PCDHGA12: variants seen among roughly 807,000 people sequenced by gnomAD.
PCDHGA12 encodes the protein protocadherin gamma subfamily A, 12.
A neutral mutation model predicts 61.1 loss-of-function variants in PCDHGA12; 43 were observed. The observed-to-expected ratio is 0.70, with a 90% CI of 0.55 to 0.91. The LOEUF (loss-of-function observed/expected upper bound fraction) is 0.91. Among genes scored for constraint, PCDHGA12 ranks in the 40% least tolerant of loss-of-function variants. PCDHGA12 has a pLI of 0.00. For synonymous variants in PCDHGA12, 520 were observed against 542.9 expected (o/e 0.96, Z 0.59); for missense variants, 1,236 against 1,227.7 (o/e 1.01, Z -0.10).
Position 141,509,375 on chromosome 5 carries a change from T to C in PCDHGA12, c.2573-1572T>C, listed in dbSNP as rs1450730489. Among the ~76,000 whole-genome samples, 6 of 152,168 alleles carry C rather than the reference T, an allele frequency of 3.9e-5. No homozygotes were observed. In the East Asian group the frequency reaches 1.2e-3, roughly 29 times the overall value. On this transcript the variant is annotated intron_variant, in intron 3 of 3. Coordinates refer to ENST00000252085, the MANE Select transcript of PCDHGA12 (RefSeq NM_003735.3). ...GGGCATCCCTGAGGTTTTAACTGTC[T>C]CCTAACCACAGAGGATCTCAGGGCC...
chr5:141,477,184 C>T lies in PCDHGA12; in HGVS notation c.2425-17623C>T. On this transcript the variant is annotated intron_variant, in intron 1 of 3. Coordinates refer to ENST00000252085, the MANE Select transcript of PCDHGA12 (RefSeq NM_003735.3). The surrounding 1 kb of genome is among the most constrained non-coding windows in gnomAD (Gnocchi z 4.9). ...ACGCCCCGGAGATCACAGTCACCTC[C>T]GTGTACAGCCCAGTACCCGAGGATG... The T allele has an allele frequency of 3.7e-6, 6 of 1,614,178 alleles. No individual in the cohort carries two copies. Among genetic ancestry groups the T allele is most frequent in the Non-Finnish European group, 5.1e-6 (6 of 1,180,032 alleles).
intron 1 of PCDHGA12, among the ~76,000 whole-genome samples, chr5:141,447,063 G>C (rs762309557): frequency 6.6e-6 from 1 of 152,028 alleles, no homozygotes; most frequent in South Asian, 2.1e-4. Context: ...AATGTGTCAG[G>C]CTGTTTTAAT....
In PCDHGA12 at chr5:141,487,472, G is replaced by A. The variant is rs2099645737; in HGVS notation, c.2425-7335G>A. The A allele has an allele frequency of 2.5e-6, 4 of 1,614,178 alleles. No individual in the cohort carries two copies. Among genetic ancestry groups the A allele is most frequent in the Non-Finnish European group, 3.4e-6 (4 of 1,180,036 alleles). Reference sequence around the variant, plus strand: ...CCCTATCAAGTTTGTTGATGTGGGAGGCCACTCTCATGGCTGTACACCCTT... The same window carrying A: ...CCCTATCAAGTTTGTTGATGTGGGAAGCCACTCTCATGGCTGTACACCCTT... On this transcript the variant is annotated intron_variant, in intron 1 of 3. Coordinates refer to ENST00000252085, the MANE Select transcript of PCDHGA12 (RefSeq NM_003735.3). This position sits in a 1 kb window ranked among gnomAD's most constrained non-coding sequence, Gnocchi z 5.0.
chr5:141,439,588 T>C (rs2098121813), intron 1 of PCDHGA12, among the ~76,000 whole-genome samples: 2 of 152,200 alleles, frequency 1.3e-5, no homozygotes, highest in South Asian at 4.1e-4. Flanking sequence ...AGTGCCACTG[T>C]TGGCCAGTCT....
rs561329093 is a variant in PCDHGA12 at position 141,509,163 on chromosome 5, C to A, written c.2573-1784C>A. Among the ~76,000 whole-genome samples the A allele has an allele frequency of 1.4e-4, 21 of 152,322 alleles. No individual in the cohort carries two copies. In the South Asian group the frequency reaches 4.1e-3, roughly 30 times the overall value. On this transcript the variant is annotated intron_variant, in intron 3 of 3. Coordinates refer to ENST00000252085, the MANE Select transcript of PCDHGA12 (RefSeq NM_003735.3). ...CATCCCGGCTCTCCCCTCCCGTGTG[C>A]CCTCCTCCTCTTATGCCGGCTTGAA...
chr5:141,434,132 G>A (rs2097674012), intron 1 of PCDHGA12, among the ~76,000 whole-genome samples: 1 of 152,194 alleles, frequency 6.6e-6, no homozygotes, highest in South Asian at 2.1e-4. Context: ...CCTTTAGGCT[G>A]ATTTCTATGT....
intron 1 of PCDHGA12, among the ~76,000 whole-genome samples, chr5:141,469,684 T>C (rs1471928749): frequency 6.6e-6 from 1 of 152,256 alleles, no homozygotes; most frequent in Non-Finnish European, 1.5e-5. Flanking sequence ...ACATATGCAT[T>C]GGTCCTATGA....
chr5:141,463,572 C>A (rs1462125489), intron 1 of PCDHGA12, among the ~76,000 whole-genome samples: 2 of 151,572 alleles, frequency 1.3e-5, no homozygotes, highest in African/African-American at 4.9e-5. Context: ...CCTCAGCCTC[C>A]CGAGTAGCTG....
intron 1 of PCDHGA12, among the ~76,000 whole-genome samples, chr5:141,462,839 T>C (rs1020663897): frequency 8.5e-5 from 13 of 152,228 alleles, no homozygotes; most frequent in Non-Finnish European, 1.5e-4. Context: ...GTAAATGTTA[T>C]ATTTTTGAGT....
At chr5:141,508,835 C>T (rs1190105775) in intron 3 of PCDHGA12, among the ~76,000 whole-genome samples, 12 of 152,158 alleles carry the variant, frequency 7.9e-5, no homozygotes, top group African/African-American at 2.9e-4. Flanking sequence ...CCCCCCTCCC[C>T]TACCCCTTCC....
At chr5:141,468,403 A>C (rs2099166784) in intron 1 of PCDHGA12, 1 of 152,088 alleles carries the variant, frequency 6.6e-6, no homozygotes, top group African/African-American at 2.4e-5. Flanking sequence ...GGTGAGAACT[A>C]ATAATAAGTT....
rs142590218 is a variant in PCDHGA12, at chr5:141,489,982, C to T, written c.2425-4825C>T. On this transcript the variant is annotated intron_variant, in intron 1 of 3. Coordinates refer to ENST00000252085, the MANE Select transcript of PCDHGA12 (RefSeq NM_003735.3). This position sits in a 1 kb window ranked among gnomAD's most constrained non-coding sequence, Gnocchi z 4.5. ...TCCAACCTTCCAATCCTCAGTTCTA[C>T]GTGTGGGAATCCCAGAGAATGCACC... The T allele has an allele frequency of 2.9e-5, 47 of 1,614,010 alleles. No individual in the cohort carries two copies. The highest frequency in any genetic ancestry group is 3.7e-5 in the Non-Finnish European group (44 of 1,179,964).
rs371139792 is a variant in PCDHGA12 at position 141,490,160 on chromosome 5, C to A, written c.2425-4647C>A. On this transcript the variant is annotated intron_variant, in intron 1 of 3. Transcript: ENST00000252085. This position sits in a 1 kb window ranked among gnomAD's most constrained non-coding sequence, Gnocchi z 5.4. The stretch of plus-strand genomic sequence containing the variant: ...AGTGGGGCAATCCATGTGTTGGGTC[C>A]CATAGACTTTGAGGAGTCACGTTTC... The A allele has an allele frequency of 5.6e-6, 9 of 1,614,192 alleles. No homozygotes were observed. The highest frequency in any genetic ancestry group is 7.6e-6 in the Non-Finnish European group (9 of 1,180,016).
intron 2 of PCDHGA12, among the ~76,000 whole-genome samples, chr5:141,496,123 C>T (rs2099766207): frequency 6.6e-6 from 1 of 152,098 alleles, no homozygotes; most frequent in African/African-American, 2.4e-5. Flanking sequence ...CTTCCCTGCC[C>T]CTCACACACT....
rs192631651 is a variant in PCDHGA12, at chr5:141,432,052, C to G, written c.1293C>G (p.Pro431=). The change falls in exon 1 of 4, where the codon CCC becomes CCG. Residue 431 remains proline, a synonymous_variant. Transcript: ENST00000252085. The surrounding 1 kb of genome is among the most constrained non-coding windows in gnomAD (Gnocchi z 6.0). ...TVTATDRGTP[P]LSTETHISLN... Reference sequence around the variant, plus strand: ...CCGCCACTGACCGGGGAACCCCGCCCCTATCCACGGAAACTCATATCTCGC... The same window carrying G: ...CCGCCACTGACCGGGGAACCCCGCCGCTATCCACGGAAACTCATATCTCGC... The G allele has an allele frequency of 8.1e-6, 13 of 1,614,226 alleles. No homozygotes were observed. In the Admixed American group the frequency reaches 1.8e-4, roughly 23 times the overall value.
chr5:141,500,460 C>T (rs1421637554), intron 2 of PCDHGA12, among the ~76,000 whole-genome samples: 2 of 152,234 alleles, frequency 1.3e-5, no homozygotes, highest in South Asian at 2.1e-4. Context: ...CCGCCCGCCT[C>T]GGCCTCCCAA....
Position 141,490,027 on chromosome 5 carries a change from CG to C in PCDHGA12, c.2425-4779del. The C allele has an allele frequency of 6.2e-7, 1 of 1,614,214 alleles. No individual in the cohort carries two copies. Among genetic ancestry groups the C allele is most frequent in the Admixed American group, 1.7e-5 (1 of 60,032 alleles). On this transcript the variant is annotated intron_variant, in intron 1 of 3. Transcript: ENST00000252085. The surrounding 1 kb of genome is among the most constrained non-coding windows in gnomAD (Gnocchi z 5.4). Reference sequence around the variant, plus strand: ...TGCACCCATTGGTACTCTGCTGCTCCGCCTCAATGCCACTGATCCAGACGAG... The same window carrying C: ...TGCACCCATTGGTACTCTGCTGCTCCCCTCAATGCCACTGATCCAGACGAG...
rs2099404338 is a variant in PCDHGA12, at chr5:141,477,060, C to T, written c.2425-17747C>T. On this transcript the variant is annotated intron_variant, in intron 1 of 3. Coordinates refer to ENST00000252085, the MANE Select transcript of PCDHGA12 (RefSeq NM_003735.3). This position sits in a 1 kb window ranked among gnomAD's most constrained non-coding sequence, Gnocchi z 4.9. Reference sequence around the variant, plus strand: ...AAGGGTCGGCTGGACTTCGAGGACACCAAACTCCATGAGATTTACATCCAG... The same window carrying T: ...AAGGGTCGGCTGGACTTCGAGGACATCAAACTCCATGAGATTTACATCCAG... 3.7e-6 allele frequency: 6 copies of T among 1,614,256 alleles called. No individual in the cohort carries two copies. The highest frequency in any genetic ancestry group is 5.1e-6 in the Non-Finnish European group (6 of 1,180,046).
Position 141,490,293 on chromosome 5 carries a change from A to G in PCDHGA12, c.2425-4514A>G, listed in dbSNP as rs1316965652. On this transcript the variant is annotated intron_variant, in intron 1 of 3. Transcript: ENST00000252085. The surrounding 1 kb of genome is among the most constrained non-coding windows in gnomAD (Gnocchi z 5.4). ...TCAATGACAATGCCCCAGAGGTGCTATTGGCCTCTTTGGCCAACCCTGTCC... is the reference window on the plus strand; with the variant it reads ...TCAATGACAATGCCCCAGAGGTGCTGTTGGCCTCTTTGGCCAACCCTGTCC... The G allele has an allele frequency of 1.2e-6, 2 of 1,614,190 alleles. No individual in the cohort carries two copies. The highest frequency in any genetic ancestry group is 8.5e-7 in the Non-Finnish European group (1 of 1,180,028).
Sources: allele counts gnomAD v4.1 joint callset (sites outside exome capture counted in the v4.1 genomes callset), GRCh38; gene constraint gnomAD v4.1.1; non-coding constraint Gnocchi (gnomAD v3.1); transcripts MANE v1.5; gene names NCBI Gene and HGNC (gene_info 2026-07-23, HGNC 2026-07-21).